ACOT13: variants seen among roughly 807,000 people sequenced by gnomAD.
ACOT13 encodes the protein acyl-coenzyme A thioesterase 13.
ACOT13 carries 10 observed loss-of-function variants against 11.8 expected under a neutral mutation model. The ratio of observed to expected loss-of-function variants is 0.85; its 90% CI spans 0.53 to 1.44. ACOT13 has a LOEUF of 1.44. ACOT13 is among the 40% of genes most tolerant of loss of function. The pLI is 0.00. For missense variants in ACOT13, 172 were observed against 174.1 expected (o/e 0.99, Z 0.07); for synonymous variants, 53 against 61.0 (o/e 0.87, Z 0.61).
chr6:24,681,291 A>G lies in ACOT13; in HGVS notation c.81+13947A>G, dbSNP rs370817445. ...CAAAGCAGTTGCCGCTACCGACTGAATGCATTTGGCCCATCCGCGGGTTAC... is the reference window on the plus strand; with the variant it reads ...CAAAGCAGTTGCCGCTACCGACTGAGTGCATTTGGCCCATCCGCGGGTTAC... On this transcript the variant is annotated intron_variant, in intron 1 of 2. Coordinates refer to ENST00000230048, the MANE Select transcript of ACOT13 (RefSeq NM_018473.4). Among the ~76,000 whole-genome samples, 88 of 152,322 alleles carry G rather than the reference A, an allele frequency of 5.8e-4. No individual in the cohort carries two copies. In the South Asian group the frequency reaches 0.017, roughly 29 times the overall value.
chr6:24,687,365 C>T (rs1042885236), intron 1 of ACOT13: 19 of 1,024,490 alleles, frequency 1.9e-5, no homozygotes, highest in Admixed American at 4.8e-5. Flanking sequence ...TTAACATTAT[C>T]GTGTTTAAGT....
chr6:24,697,402 G>A (rs559258500), intron 1 of ACOT13, among the ~76,000 whole-genome samples: 11 of 150,726 alleles, frequency 7.3e-5, no homozygotes, highest in Non-Finnish European at 1.2e-4. Context: ...CTTTGTTGGC[G>A]TCAAAGTTCC....
At chr6:24,678,417 AG>A (rs1352880080) in intron 1 of ACOT13, among the ~76,000 whole-genome samples, 1 of 152,178 alleles carries the variant, frequency 6.6e-6, no homozygotes, top group African/African-American at 2.4e-5. Context: ...GGAGTATTGC[AG>A]GGGCTATTGC....
chr6:24,683,320 C>T (rs1778582679), intron 1 of ACOT13, among the ~76,000 whole-genome samples: 1 of 152,156 alleles, frequency 6.6e-6, no homozygotes, highest in South Asian at 2.1e-4. Context: ...GGCAGATCAT[C>T]TGAGGTCAGG....
At chr6:24,692,319 T>C (rs574928173) in intron 1 of ACOT13, among the ~76,000 whole-genome samples, 2 of 152,312 alleles carry the variant, frequency 1.3e-5, no homozygotes, top group African/African-American at 4.8e-5. Context: ...TAGGTCATAG[T>C]TGACCTCGGC....
rs1242083603 is a variant in ACOT13 at position 24,704,144 on chromosome 6, G to A, written c.*2529G>A. On this transcript the variant is annotated 3_prime_UTR_variant, in exon 3 of 3. Coordinates refer to ENST00000230048, the MANE Select transcript of ACOT13 (RefSeq NM_018473.4). ...TACTCTAGTTATATGAAATATTCTT[G>A]TACTTGGAACATATGCCGAAGTACT... The A allele has an allele frequency of 6.6e-6, 1 of 152,160 alleles. No homozygotes were observed. The highest frequency in any genetic ancestry group is 2.4e-5 in the African/African-American group (1 of 41,440). 9.4% of individuals were successfully genotyped at this position (152,160 alleles called of 1,614,324 possible). A position where few individuals can be genotyped will look rare whatever the true frequency, so the allele number is the denominator to read the frequency against.
At chr6:24,672,664 T>TATAA (rs1197574792) in intron 1 of ACOT13, among the ~76,000 whole-genome samples, 1 of 151,732 alleles carries the variant, frequency 6.6e-6, no homozygotes, top group East Asian at 1.9e-4. Context: ...AAACAAAAGA[T>TATAA]ATAACTTCCA....
chr6:24,679,099 C>G (rs1757518290), intron 1 of ACOT13, among the ~76,000 whole-genome samples: 1 of 152,198 alleles, frequency 6.6e-6, no homozygotes, highest in Non-Finnish European at 1.5e-5. Context: ...CTTGGACAAT[C>G]TTTTTTAAAG....
intron 2 of ACOT13, 44 bp from the exon 3 acceptor site, chr6:24,701,415 T>C: frequency 1.3e-6 from 2 of 1,562,760 alleles, no homozygotes; most frequent in Non-Finnish European, 8.7e-7. Context: ...CAACTTTCCC[T>C]TTGAAAAATT....
chr6:24,677,027 T>C (rs1226579149), intron 1 of ACOT13, among the ~76,000 whole-genome samples: 1 of 152,232 alleles, frequency 6.6e-6, no homozygotes, highest in African/African-American at 2.4e-5. Context: ...TAGTTCTGCA[T>C]GCTGAGCACT....
intron 1 of ACOT13, 89 bp downstream of exon 1, chr6:24,667,433 T>A (rs1007566288): frequency 1.6e-6 from 2 of 1,225,540 alleles, no homozygotes; most frequent in Non-Finnish European, 2.4e-6. Context: ...TGAATAATTA[T>A]CTCTTGTTAG....
chr6:24,675,267 A>G (rs186735010), intron 1 of ACOT13, among the ~76,000 whole-genome samples: 154 of 152,300 alleles, frequency 1.0e-3, no homozygotes, highest in Non-Finnish European at 1.7e-3. Context: ...TGGCTGGGTC[A>G]AATGGTATTT....
At chr6:24,691,734 T>G (rs1778720601) in intron 1 of ACOT13, among the ~76,000 whole-genome samples, 1 of 152,160 alleles carries the variant, frequency 6.6e-6, no homozygotes, top group Admixed American at 6.5e-5. Flanking sequence ...TTGCTGTGCT[T>G]TCCATTGTTT....
chr6:24,671,538 C>T (rs1743021387), intron 1 of ACOT13, among the ~76,000 whole-genome samples: 1 of 152,080 alleles, frequency 6.6e-6, no homozygotes, highest in African/African-American at 2.4e-5. Flanking sequence ...GTGCAGCAAA[C>T]CAACATGGCA....
chr6:24,667,539 T>C (rs762788846), intron 1 of ACOT13, among the ~76,000 whole-genome samples, 195 bp downstream of exon 1: 2 of 152,228 alleles, frequency 1.3e-5, no homozygotes, highest in African/African-American at 2.4e-5. Context: ...GTAAGTTCTC[T>C]ATCTAAACAT....
intron 1 of ACOT13, 86 bp from the exon 2 acceptor site, chr6:24,697,797 C>T: frequency 9.3e-7 from 1 of 1,072,560 alleles, no homozygotes. Context: ...TCAGAAGATT[C>T]AGTTCAATCC....
chr6:24,680,205 C>G (rs768377900), intron 1 of ACOT13, among the ~76,000 whole-genome samples: 1 of 152,128 alleles, frequency 6.6e-6, no homozygotes, highest in Non-Finnish European at 1.5e-5. Flanking sequence ...CATTTGCCCT[C>G]CTTTCTACAG....
At chr6:24,676,806 TGTAAGA>T (rs1412941302) in intron 1 of ACOT13, among the ~76,000 whole-genome samples, 2 of 152,182 alleles carry the variant, frequency 1.3e-5, no homozygotes. Flanking sequence ...ACTCTGGCAG[TGTAAGA>T]CTGCCACCTC....
intron 2 of ACOT13, among the ~76,000 whole-genome samples, chr6:24,698,344 G>C (rs1778833092): frequency 6.7e-6 from 1 of 149,090 alleles, no homozygotes; most frequent in Admixed American, 7.0e-5. Context: ...TGATGCAGGG[G>C]GAAAAATCAC....
Sources: gnomAD v4.1 joint callset for allele counts (sites outside exome capture counted in the v4.1 genomes callset) on GRCh38, gnomAD v4.1.1 for gene constraint, MANE v1.5 for transcripts, NCBI Gene and HGNC (gene_info 2026-07-23, HGNC 2026-07-21) for gene names.